Variants in MADD observed in about 807,000 individuals in gnomAD.
The protein encoded by MADD is MAP kinase-activating death domain protein.
MADD carries 109 observed loss-of-function variants against 176.7 expected under a neutral mutation model. The ratio of observed to expected loss-of-function variants is 0.62; its 90% confidence interval spans 0.53 to 0.72. The LOEUF is 0.72. Among genes scored for constraint, MADD ranks in the 30% least tolerant of loss-of-function variants. The pLI is 0.00. For synonymous variants in MADD, 771 were observed against 771.3 expected, an observed-to-expected ratio of 1.00 and a Z score of 0.01; for missense variants, 1,914 against 2,045.5, an observed-to-expected ratio of 0.94 and a Z score of 1.24.
chr11:47,314,066 C>A (rs1053712294), intron 26 of MADD, among the ~76,000 whole-genome samples: 4 of 151,692 alleles, frequency 2.6e-5, no homozygotes, highest in Non-Finnish European at 5.9e-5. Flanking sequence ...CCAAGGGAGA[C>A]CCCATTTCTA....
At chr11:47,297,712 C>T (rs535995397) in intron 22 of MADD, among the ~76,000 whole-genome samples, 89 of 151,218 alleles carry the variant, frequency 5.9e-4, no homozygotes, top group Non-Finnish European at 8.8e-4. Flanking sequence ...TACCAAAGTG[C>T]TGGGATTACA....
chr11:47,319,288 C>A (rs181826634), intron 27 of MADD, among the ~76,000 whole-genome samples: 1 of 151,776 alleles, frequency 6.6e-6, no homozygotes, highest in Admixed American at 6.6e-5. Flanking sequence ...CGCATCACCA[C>A]GCTTGGCTAA....
rs1457432831 is a variant in MADD at position 47,292,726 on chromosome 11, A to G, written c.3302-1157A>G. ...CTTAGAGCGTGTTTGGAATGGCAGC[A>G]GGTAGGTAGCATGTGACTCCTAGGT... On this transcript the variant is annotated intron_variant, in intron 19 of 32. Coordinates refer to ENST00000402192, the Ensembl canonical transcript of MADD. 4 of 815,482 alleles carry G rather than the reference A, an allele frequency of 4.9e-6. No homozygotes were observed. In the African/African-American group the frequency reaches 5.1e-5, roughly 10 times the overall value. 50.5% of individuals were successfully genotyped at this position (815,482 alleles called of 1,614,324 possible).
At chr11:47,281,648 C>G in exon 8 of MADD, 1 of 1,613,390 alleles carries the variant, frequency 6.2e-7, no homozygotes, top group Non-Finnish European at 8.5e-7. Context: ...CAGGAGATCC[C>G]CCTTCTCTTG....
At chr11:47,313,553 T>C (rs928278176) in intron 26 of MADD, among the ~76,000 whole-genome samples, 2 of 151,846 alleles carry the variant, frequency 1.3e-5, no homozygotes, top group African/African-American at 2.4e-5. Context: ...CTTGAACTCC[T>C]GAGTTTAGTC....
chr11:47,289,135 C>CG, intron 15 of MADD, 108 bp downstream of exon 16: 1 of 1,120,334 alleles, frequency 8.9e-7, no homozygotes, highest in Non-Finnish European at 1.3e-6. Context: ...ACATGAGTGA[C>CG]CTGCTTGCCC....
At chr11:47,327,619 C>T in intron 31 of MADD, 1 of 985,398 alleles carries the variant, frequency 1.0e-6, no homozygotes, top group Non-Finnish European at 1.2e-6. Context: ...CTGGACTTTC[C>T]TCCCCGTGTG....
At position 47,274,349 on chromosome 11, in the gene MADD, T is replaced by C. The variant is rs2136285087; in HGVS notation, c.63-214T>C. 1.3e-5 allele frequency among the ~76,000 whole-genome samples: 2 copies of C among 152,346 alleles called. 1 individual carries two copies. The highest frequency in any genetic ancestry group is 4.1e-4 in the South Asian group (2 of 4,830). ...CAGTGATAATTTTATTGTCAAAATC[T>C]CCCCTTCGTTTCAGAATAGATGCCT... On this transcript the variant is annotated intron_variant, in intron 2 of 32. Transcript: ENST00000402192.
chr11:47,295,854 C>A (rs1301571677), intron 21 of MADD, 43 bp from the exon 24 acceptor site: 2 of 1,573,342 alleles, frequency 1.3e-6, no homozygotes, highest in Non-Finnish European at 1.7e-6. Context: ...TTTCTGGGGC[C>A]CATCCCTGGG....
exon 3 of MADD, chr11:47,274,936 A>G: frequency 6.2e-7 from 1 of 1,614,042 alleles, no homozygotes; most frequent in South Asian, 1.1e-5. Context: ...GCAGCCTCTC[A>G]GTGCTGACTC....
At chr11:47,293,365 G>A (rs190493788) in intron 19 of MADD, among the ~76,000 whole-genome samples, 17 of 150,804 alleles carry the variant, frequency 1.1e-4, no homozygotes, top group African/African-American at 3.7e-4. Flanking sequence ...GCAGTGGTAC[G>A]ATCTTGCCTC....
At chr11:47,291,451 G>C (rs1159724881) in intron 19 of MADD, among the ~76,000 whole-genome samples, 1 of 152,148 alleles carries the variant, frequency 6.6e-6, no homozygotes, top group Non-Finnish European at 1.5e-5. Context: ...CTCACTCCCT[G>C]CTTGACCTTG....
At chr11:47,323,959 G>T (rs985990194) in intron 28 of MADD, 124 bp downstream of exon 31, 3 of 1,106,044 alleles carry the variant, frequency 2.7e-6, no homozygotes, top group Admixed American at 2.3e-5. Flanking sequence ...CCAGCTGTTG[G>T]GTGGAGTACC....
chr11:47,319,640 TA>T (rs1444184150), intron 27 of MADD, among the ~76,000 whole-genome samples: 1 of 152,208 alleles, frequency 6.6e-6, no homozygotes, highest in Admixed American at 6.5e-5. Flanking sequence ...TTTGTGCAAA[TA>T]TAATTTATTT....
intron 22 of MADD, among the ~76,000 whole-genome samples, chr11:47,305,595 T>G (rs2082009106): frequency 6.6e-6 from 1 of 152,022 alleles, no homozygotes; most frequent in African/African-American, 2.4e-5. Context: ...GACTCTAGAC[T>G]CCAGGATGGT....
chr11:47,326,672 A>T (rs1457889387), intron 30 of MADD, 66 bp from the exon 35 acceptor site: 16 of 1,577,466 alleles, frequency 1.0e-5, no homozygotes, highest in Admixed American at 1.8e-5. Flanking sequence ...TAGCTGGGAG[A>T]GTGTGCTGTG....
chr11:47,286,524 C>T (rs373048235), exon 15 of MADD: 25 of 1,613,132 alleles, frequency 1.5e-5, no homozygotes, highest in Non-Finnish European at 2.0e-5. Flanking sequence ...CGCCCTTCCC[C>T]AGTCTGAAAG....
rs368079549 is a variant in MADD at position 47,295,877 on chromosome 11, C to A, written c.3484-20C>A. The A allele has an allele frequency of 5.0e-6, 8 of 1,605,716 alleles. No homozygotes were observed. The highest frequency in any genetic ancestry group is 2.2e-5 in the East Asian group (1 of 44,798). ...GCCCATCCCTGGGGACTGTCTCTTA[C>A]TACCTTTTTTCCTTTCCAGGTGAGT... On this transcript the variant is annotated intron_variant, in intron 21 of 32. Coordinates refer to ENST00000402192, the Ensembl canonical transcript of MADD.
At chr11:47,286,499 C>T in exon 15 of MADD, 1 of 1,614,130 alleles carries the variant, frequency 6.2e-7, no homozygotes, top group South Asian at 1.1e-5. Flanking sequence ...ACCAAAGGTG[C>T]CCGAGAGAAG....
Sources: allele counts gnomAD v4.1 joint callset (sites outside exome capture counted in the v4.1 genomes callset), GRCh38; gene constraint gnomAD v4.1.1; transcripts MANE v1.5; gene names NCBI Gene and HGNC (gene_info 2026-07-23, HGNC 2026-07-21).